The following TAFA5 variants were observed in gnomAD, a reference collection of about 807,000 sequenced individuals.
The protein encoded by TAFA5 is TAFA chemokine like family member 5.
In TAFA5, 6 loss-of-function variants were observed where a neutral mutation model predicts 15.3. The observed-to-expected ratio is 0.39, with a 90% CI of 0.21 to 0.77. TAFA5 has a LOEUF of 0.77. TAFA5 is among the 30% of genes least tolerant of loss of function. The probability of loss-of-function intolerance (pLI) is 0.41; values close to 1 mark genes in which losing one functional copy is unlikely to be tolerated. For missense variants in TAFA5, 161 were observed against 193.1 expected, an observed-to-expected ratio of 0.83 and a Z score of 0.98; for synonymous variants, 103 against 80.7, an observed-to-expected ratio of 1.28 and a Z score of -1.48.
intron 2 of TAFA5, among the ~76,000 whole-genome samples, chr22:48,682,705 A>G (rs917485766): frequency 6.6e-5 from 10 of 152,200 alleles, no homozygotes; most frequent in Non-Finnish European, 1.5e-4. Flanking sequence ...CGGCATTTGC[A>G]TATTACCCAG....
intron 1 of TAFA5, among the ~76,000 whole-genome samples, chr22:48,564,259 C>G (rs192404093): frequency 6.6e-6 from 1 of 152,240 alleles, no homozygotes; most frequent in African/African-American, 2.4e-5. Flanking sequence ...GGAACAGGGA[C>G]GCTCCAGGTT....
Position 48,561,878 on chromosome 22 carries a change from T to A in TAFA5, c.112+72174T>A, listed in dbSNP as rs549044030. Among the ~76,000 whole-genome samples the A allele has an allele frequency of 2.0e-5, 3 of 152,342 alleles. No individual in the cohort carries two copies. The South Asian group carries it at 6.2e-4, about 32-fold the overall frequency. On this transcript the variant is annotated intron_variant, in intron 1 of 3. Coordinates refer to ENST00000402357, the MANE Select transcript of TAFA5 (RefSeq NM_001082967.3). ...CCGGGGCCACACACATTCTGCACAGTGACGCGGGATCAGAGTCCTTTCTGT... is the reference window on the plus strand; with the variant it reads ...CCGGGGCCACACACATTCTGCACAGAGACGCGGGATCAGAGTCCTTTCTGT...
intron 1 of TAFA5, among the ~76,000 whole-genome samples, chr22:48,582,164 C>T (rs982479176): frequency 1.3e-5 from 2 of 152,010 alleles, no homozygotes; most frequent in African/African-American, 2.4e-5. Flanking sequence ...CCCAGAGACA[C>T]GCACTGCGGT....
intron 1 of TAFA5, among the ~76,000 whole-genome samples, chr22:48,594,324 G>T (rs1160620972): frequency 1.3e-5 from 2 of 152,232 alleles, no homozygotes; most frequent in African/African-American, 4.8e-5. Flanking sequence ...GGGGGGACCA[G>T]TGGGACGTTC....
Position 48,703,689 on chromosome 22 carries a change from G to A in TAFA5, c.263-4028G>A, listed in dbSNP as rs114901946. On this transcript the variant is annotated intron_variant, in intron 2 of 3. Coordinates refer to ENST00000402357, the MANE Select transcript of TAFA5 (RefSeq NM_001082967.3). ...TTTCCCAGCCCAGAGCATGAGCTTC[G>A]TGGTGGGCATGAGGTCCCAGCTGAG... Among the ~76,000 whole-genome samples, 191 of 152,360 alleles carry A rather than the reference G, an allele frequency of 1.3e-3. 1 individual carries two copies. Among genetic ancestry groups the A allele is most frequent in the African/African-American group, 4.5e-3 (186 of 41,594 alleles).
intron 2 of TAFA5, among the ~76,000 whole-genome samples, chr22:48,648,838 A>T (rs1177424270): frequency 6.6e-6 from 1 of 152,026 alleles, no homozygotes; most frequent in Non-Finnish European, 1.5e-5. Flanking sequence ...AAAAAAACAA[A>T]CAAAAAAAGA....
rs562144813 is a variant in TAFA5, at chr22:48,672,905, A to G, written c.262+26159A>G. On this transcript the variant is annotated intron_variant, in intron 2 of 3. Transcript: ENST00000402357. ...ACCCAGACACGTGCTGGTGGTTTTC[A>G]TCACTATAAAGACCACGGTCCTAAT... Among the ~76,000 whole-genome samples the G allele has an allele frequency of 6.6e-5, 10 of 152,288 alleles. 1 individual carries two copies. Among genetic ancestry groups the G allele is most frequent in the Admixed American group, 4.6e-4 (7 of 15,296 alleles).
chr22:48,556,435 C>T (rs1601577015), intron 1 of TAFA5, among the ~76,000 whole-genome samples: 1 of 152,264 alleles, frequency 6.6e-6, no homozygotes, highest in East Asian at 1.9e-4. Context: ...GCAGCTTACA[C>T]ACATATGCAC....
intron 3 of TAFA5, among the ~76,000 whole-genome samples, chr22:48,739,125 G>A (rs2147272357): frequency 6.6e-6 from 1 of 152,284 alleles, no homozygotes; most frequent in East Asian, 1.9e-4. Context: ...GCACTGCTGA[G>A]AACCCTCCCC....
intron 1 of TAFA5, among the ~76,000 whole-genome samples, chr22:48,640,144 C>T (rs1926620106): frequency 6.6e-6 from 1 of 152,226 alleles, no homozygotes; most frequent in African/African-American, 2.4e-5. Flanking sequence ...TTTGGCTCTG[C>T]AGGCCTTAGG....
In TAFA5 at chr22:48,587,855, G is replaced by A. The variant is rs574987593; in HGVS notation, c.113-58742G>A. On this transcript the variant is annotated intron_variant, in intron 1 of 3. Coordinates refer to ENST00000402357, the MANE Select transcript of TAFA5 (RefSeq NM_001082967.3). ...AAGGCCTGGAGCTTGGAGGACTCAC[G>A]CAGAGGCGGCCTTCTGCCTGCCCTC... Among the ~76,000 whole-genome samples, 9 of 152,360 alleles carry A rather than the reference G, an allele frequency of 5.9e-5. No homozygotes were observed. In the South Asian group the frequency reaches 1.4e-3, roughly 25 times the overall value.
intron 1 of TAFA5, among the ~76,000 whole-genome samples, chr22:48,608,628 T>C (rs1323189354): frequency 1.3e-5 from 2 of 152,188 alleles, no homozygotes; most frequent in Non-Finnish European, 2.9e-5. Flanking sequence ...GGTGGAAGCA[T>C]TTTAGAGAAT....
chr22:48,727,803 G>A (rs991673509), intron 3 of TAFA5, among the ~76,000 whole-genome samples: 3 of 152,124 alleles, frequency 2.0e-5, no homozygotes, highest in African/African-American at 7.2e-5. Flanking sequence ...CATTAAATTG[G>A]AACAATATTG....
At chr22:48,584,423 A>G (rs1569035622) in intron 1 of TAFA5, among the ~76,000 whole-genome samples, 1 of 149,166 alleles carries the variant, frequency 6.7e-6, no homozygotes, top group Non-Finnish European at 1.5e-5. Context: ...ATGGCACACA[A>G]AATATACTAT....
chr22:48,674,636 G>A (rs548889694), intron 2 of TAFA5, among the ~76,000 whole-genome samples: 16 of 152,178 alleles, frequency 1.1e-4, no homozygotes, highest in African/African-American at 2.9e-4. Flanking sequence ...TGCCTGTCCC[G>A]GAACAACACG....
At chr22:48,617,055 C>T (rs1449170560) in intron 1 of TAFA5, among the ~76,000 whole-genome samples, 3 of 152,110 alleles carry the variant, frequency 2.0e-5, no homozygotes, top group Non-Finnish European at 2.9e-5. Context: ...GCAGACCCAG[C>T]GTGTGGTTGG....
chr22:48,681,311 A>G (rs996222448), intron 2 of TAFA5, among the ~76,000 whole-genome samples: 3 of 152,146 alleles, frequency 2.0e-5, no homozygotes, highest in Admixed American at 2.0e-4. Flanking sequence ...CGCACAGCTC[A>G]GCAGTAGAGA....
chr22:48,632,486 G>A (rs753960757), intron 1 of TAFA5, among the ~76,000 whole-genome samples: 17 of 130,614 alleles, frequency 1.3e-4, no homozygotes, highest in African/African-American at 5.7e-4. Context: ...AGCCCACTGC[G>A]CTGCTGCCTG....
intron 1 of TAFA5, among the ~76,000 whole-genome samples, chr22:48,568,148 C>A (rs1210479531): frequency 6.6e-6 from 1 of 152,238 alleles, no homozygotes. Flanking sequence ...ACTGAGCCCA[C>A]AGGGCCTGCC....
Sources: allele counts gnomAD v4.1 joint callset (sites outside exome capture counted in the v4.1 genomes callset), GRCh38; gene constraint gnomAD v4.1.1; transcripts MANE v1.5; gene names NCBI Gene and HGNC (gene_info 2026-07-23, HGNC 2026-07-21).